The following RELN variants were observed in gnomAD, a reference collection of about 807,000 sequenced individuals.
RELN encodes the protein reelin.
Under a neutral mutation model 427.6 loss-of-function variants are expected in RELN, and 108 were observed. The observed-to-expected ratio is 0.25, with a 90% CI of 0.22 to 0.30. The LOEUF (loss-of-function observed/expected upper bound fraction) is 0.30, where lower values mean the gene tolerates loss of function less well. RELN is among the 10% of genes least tolerant of loss of function. The pLI, the probability that RELN is intolerant of heterozygous loss-of-function variation, is 1.00. For missense variants in RELN, 3,715 were observed against 4,302.8 expected, an observed-to-expected ratio of 0.86 and a Z score of 3.82; for synonymous variants, 1,524 against 1,513.4, an observed-to-expected ratio of 1.01 and a Z score of -0.16.
chr7:103,774,811 A>C (rs1791697782), intron 4 of RELN, among the ~76,000 whole-genome samples: 1 of 152,134 alleles, frequency 6.6e-6, no homozygotes, highest in Admixed American at 6.5e-5. Flanking sequence ...GATTGATATA[A>C]TTTCAATGAG....
At position 103,535,355 on chromosome 7, in the gene RELN, T is replaced by C. The variant is rs762951578; in HGVS notation, c.7310A>G (p.Lys2437Arg). ...GAGAGGCAGAGTGATTCTAGTCCAC[T>C]TGTTGAAAGTGTCTGACACCAGGAT... ...QRILVSDTFN[K>R]WTRITLPLPP... The change falls in exon 46 of 65, where the codon AAG becomes AGG. Residue 2437 changes from lysine (K) to arginine (R), a missense_variant. Physicochemically the swap from Lys to Arg is conservative, Grantham distance 26. Transcript: ENST00000428762. 9 of 1,614,050 alleles carry C rather than the reference T, an allele frequency of 5.6e-6. No homozygotes were observed. In the Admixed American group the frequency reaches 1.5e-4, roughly 27 times the overall value.
intron 10 of RELN, among the ~76,000 whole-genome samples, chr7:103,686,130 C>T (rs950053871): frequency 6.6e-6 from 1 of 152,096 alleles, no homozygotes; most frequent in African/African-American, 2.4e-5. Context: ...TTGACGATAT[C>T]CTTTTTGTTG....
chr7:103,858,338 T>C (rs1212158896), intron 2 of RELN, among the ~76,000 whole-genome samples: 2 of 152,206 alleles, frequency 1.3e-5, no homozygotes, highest in African/African-American at 4.8e-5. Context: ...CTTAGTATAG[T>C]ACCTGGCACA....
At chr7:103,918,273 A>G (rs1042978662) in intron 1 of RELN, among the ~76,000 whole-genome samples, 2 of 152,130 alleles carry the variant, frequency 1.3e-5, no homozygotes, top group African/African-American at 4.8e-5. Context: ...AATAATAGCT[A>G]ATATTTTTTA....
At chr7:103,676,745 C>T (rs549094450) in intron 11 of RELN, among the ~76,000 whole-genome samples, 39 of 151,812 alleles carry the variant, frequency 2.6e-4, no homozygotes, top group East Asian at 9.7e-4. Context: ...TGTAGGGACA[C>T]GGATGAAACT....
At chr7:103,881,737 C>T (rs1055361613) in intron 2 of RELN, among the ~76,000 whole-genome samples, 4 of 152,166 alleles carry the variant, frequency 2.6e-5, no homozygotes, top group Non-Finnish European at 5.9e-5. Context: ...GTTCCACCCT[C>T]AGCAGATGCC....
intron 34 of RELN, among the ~76,000 whole-genome samples, chr7:103,562,756 T>G (rs1584297984): frequency 1.3e-5 from 2 of 152,346 alleles, no homozygotes; most frequent in Non-Finnish European, 2.9e-5. Flanking sequence ...GCTGTCAGCA[T>G]GGTGGCTTTA....
intron 57 of RELN, 140 bp downstream of exon 57, chr7:103,495,583 A>G (rs1183423021): frequency 1.8e-5 from 15 of 811,944 alleles, no homozygotes; most frequent in Non-Finnish European, 3.0e-5. Context: ...TTTGCAAAAG[A>G]TGACCTCTTT....
chr7:103,969,650 A>G (rs1796723706), intron 1 of RELN, among the ~76,000 whole-genome samples: 1 of 152,220 alleles, frequency 6.6e-6, no homozygotes, highest in Admixed American at 6.6e-5. Context: ...AAATGCAAAA[A>G]CCAAACATTA....
intron 1 of RELN, among the ~76,000 whole-genome samples, chr7:103,966,288 C>T (rs1796659370): frequency 6.6e-6 from 1 of 152,178 alleles, no homozygotes; most frequent in Non-Finnish European, 1.5e-5. Flanking sequence ...AGGTGGGACC[C>T]AGCCCTGCAC....
rs539930998 is a variant in RELN, at chr7:103,559,168, A to G, written c.5530-1119T>C. ...TCAGAGAGGGAAAGTAACTTTCTCA[A>G]GATTACATAGTTTATAAGTGGTGAT... On this transcript the variant is annotated intron_variant, in intron 36 of 64. Coordinates refer to ENST00000428762, the MANE Select transcript of RELN (RefSeq NM_005045.4). Among the ~76,000 whole-genome samples the G allele has an allele frequency of 4.6e-4, 70 of 152,322 alleles. 1 individual carries two copies. The highest frequency in any genetic ancestry group is 1.7e-3 in the African/African-American group (69 of 41,570).
In RELN at chr7:103,489,854, C is replaced by A; in HGVS notation, c.9651G>T (p.Lys3217Asn). Residue 3217 changes from lysine to asparagine, a missense_variant, in exon 60 of 65, where the codon AAG becomes AAT. Physicochemically the swap from Lys to Asn is moderately conservative, Grantham distance 94. Around this residue, in one of 4 missense-constraint regions of RELN, gnomAD observed 1,310 missense variants for 1,643.0 expected, o/e 0.80. Coordinates refer to ENST00000428762, the MANE Select transcript of RELN (RefSeq NM_005045.4). The part of the protein sequence containing the change: ...RWIQKGEETE[K>N]QSWAIDHVYI... ...ACACGTGGTCAATTGCCCAGCTTTG[C>A]TTCTCAGTTTCTTCTCCCTTCTGGA... 1 of 1,614,164 alleles carries A rather than the reference C, an allele frequency of 6.2e-7. No homozygotes were observed. The highest frequency in any genetic ancestry group is 8.5e-7 in the Non-Finnish European group (1 of 1,180,018).
rs1445845325 is a variant in RELN, at chr7:103,556,970, T to G, written c.5797+7A>C. The stretch of plus-strand genomic sequence containing the variant: ...TTCTGATCACAGGAGAACACATGCA[T>G]TTTTACCGTTATTATAAGGTTGCCA... On this transcript the variant is annotated splice_region_variant and intron_variant, in intron 38 of 64. Transcript: ENST00000428762. 9.3e-6 allele frequency: 15 copies of G among 1,605,884 alleles called. No individual in the cohort carries two copies. The highest frequency in any genetic ancestry group is 1.3e-5 in the Non-Finnish European group (15 of 1,172,572).
chr7:103,973,088 G>T (rs1021636352), intron 1 of RELN, among the ~76,000 whole-genome samples: 3 of 152,162 alleles, frequency 2.0e-5, no homozygotes, highest in Non-Finnish European at 2.9e-5. Context: ...TGTTGAAAGA[G>T]CAAAGGTGCC....
At chr7:103,849,859 T>TCTTC (rs1421367274) in intron 2 of RELN, among the ~76,000 whole-genome samples, 2 of 152,140 alleles carry the variant, frequency 1.3e-5, no homozygotes, top group Non-Finnish European at 2.9e-5. Flanking sequence ...ACGGAAAAAG[T>TCTTC]TTTTCAACTC....
At chr7:103,624,303 C>G (rs1392487793) in intron 20 of RELN, among the ~76,000 whole-genome samples, 1 of 152,170 alleles carries the variant, frequency 6.6e-6, no homozygotes, top group East Asian at 1.9e-4. Flanking sequence ...CATTTTACAC[C>G]TCTAGCTTCC....
intron 1 of RELN, among the ~76,000 whole-genome samples, chr7:103,945,795 C>T (rs1000327279): frequency 1.3e-5 from 2 of 152,162 alleles, no homozygotes; most frequent in Non-Finnish European, 2.9e-5. Flanking sequence ...ACCTTTTCTA[C>T]ATTCAGGTAT....
chr7:103,709,692 C>G (rs1789745466), intron 8 of RELN, among the ~76,000 whole-genome samples: 1 of 152,068 alleles, frequency 6.6e-6, no homozygotes, highest in Admixed American at 6.5e-5. Flanking sequence ...CCATTTATAC[C>G]AACAGTAAAA....
chr7:103,780,178 T>C (rs1358835663), intron 3 of RELN, among the ~76,000 whole-genome samples: 2 of 152,244 alleles, frequency 1.3e-5, no homozygotes, highest in African/African-American at 4.8e-5. Context: ...CCTTGCACTT[T>C]GTCTTTGAAA....
Sources: gnomAD v4.1 joint callset for allele counts (sites outside exome capture counted in the v4.1 genomes callset) on GRCh38, gnomAD v4.1.1 for gene constraint, gnomAD v4.1.1 regional missense constraint, MANE v1.5 for transcripts, NCBI Gene and HGNC (gene_info 2026-07-23, HGNC 2026-07-21) for gene names.